Variants in FMN2 observed in about 807,000 individuals in gnomAD.
FMN2 encodes the protein formin 2, also known as formin-2.
Under a neutral mutation model 142.3 loss-of-function variants are expected in FMN2, and 51 were observed. That is an observed-to-expected ratio of 0.36 (90% CI 0.29 to 0.45). The LOEUF is 0.45. Among genes scored for constraint, FMN2 ranks in the 20% least tolerant of loss-of-function variants. FMN2 has a pLI of 1.00. For synonymous variants in FMN2, 882 were observed against 869.8 expected, an observed-to-expected ratio of 1.01 and a Z score of -0.25; for missense variants, 1,936 against 2,122.8, an observed-to-expected ratio of 0.91 and a Z score of 1.73.
chr1:240,220,562 A>C (rs935962604), intron 6 of FMN2, among the ~76,000 whole-genome samples: 4 of 152,032 alleles, frequency 2.6e-5, no homozygotes, highest in African/African-American at 9.7e-5. Context: ...CAGCCATCCA[A>C]GCAAGAGCAA....
chr1:240,331,724 T>C (rs1336315889), intron 11 of FMN2, among the ~76,000 whole-genome samples: 1 of 152,096 alleles, frequency 6.6e-6, no homozygotes, highest in Admixed American at 6.6e-5. Flanking sequence ...AAGTTGAAAA[T>C]ACCATAAGTG....
intron 14 of FMN2, among the ~76,000 whole-genome samples, chr1:240,359,199 G>C (rs2103051563): frequency 6.6e-6 from 1 of 152,176 alleles, no homozygotes; most frequent in African/African-American, 2.4e-5. Context: ...TAGTTTATCA[G>C]GACATGATTC....
At position 240,294,832 on chromosome 1, in the gene FMN2, C is replaced by A. The variant is rs1220141149; in HGVS notation, c.4164C>A (p.Asn1388Lys). The A allele has an allele frequency of 6.2e-7, 1 of 1,613,772 alleles. No homozygotes were observed. Among genetic ancestry groups the A allele is most frequent in the East Asian group, 2.2e-5 (1 of 44,872 alleles). The change falls in exon 8 of 18, where the codon AAC becomes AAA. Residue 1388 changes from asparagine (N) to lysine (K), a missense_variant. By Grantham distance (94) the Asn-to-Lys change is moderately conservative. Transcript: ENST00000319653. ...DMKDIQHAVVNLDNSVVDLET... is the reference protein window; with the variant it reads ...DMKDIQHAVVKLDNSVVDLET... ...CTTTTTTTTCCACAGCTGTTGTGAA[C>A]TTGGATAATTCTGTGGTTGACCTGG...
intron 4 of FMN2, among the ~76,000 whole-genome samples, chr1:240,198,063 T>G (rs540357565): frequency 6.6e-6 from 1 of 152,328 alleles, no homozygotes; most frequent in African/African-American, 2.4e-5. Context: ...GGTAAAAAAC[T>G]GAGCTGCACT....
chr1:240,106,992 G>C (rs1230937413), intron 1 of FMN2, among the ~76,000 whole-genome samples: 1 of 151,648 alleles, frequency 6.6e-6, no homozygotes, highest in Non-Finnish European at 1.5e-5. Context: ...CCTTTTCCAG[G>C]AGGATTTTTA....
chr1:240,200,701 A>T (rs1666090359), intron 4 of FMN2, among the ~76,000 whole-genome samples: 2 of 152,102 alleles, frequency 1.3e-5, no homozygotes, highest in Admixed American at 6.6e-5. Flanking sequence ...GCAGGTAAGG[A>T]TAGGTCATAG....
intron 2 of FMN2, among the ~76,000 whole-genome samples, chr1:240,146,093 T>C (rs1305908356): frequency 6.6e-6 from 1 of 151,738 alleles, no homozygotes; most frequent in Non-Finnish European, 1.5e-5. Flanking sequence ...AAAAATAGTA[T>C]GGCTGGGCTC....
intron 7 of FMN2, among the ~76,000 whole-genome samples, chr1:240,292,299 G>A (rs1004163000): frequency 2.0e-5 from 3 of 152,070 alleles, no homozygotes; most frequent in Non-Finnish European, 2.9e-5. Context: ...ACATAAATAA[G>A]TAAGTAGGTA....
At chr1:240,195,451 C>G (rs1665877193) in intron 4 of FMN2, among the ~76,000 whole-genome samples, 1 of 152,178 alleles carries the variant, frequency 6.6e-6, no homozygotes, top group Admixed American at 6.5e-5. Flanking sequence ...GGCAAAAACA[C>G]ATGTCAGATA....
intron 16 of FMN2, among the ~76,000 whole-genome samples, chr1:240,454,130 T>C (rs1482790069): frequency 3.9e-5 from 6 of 152,192 alleles, no homozygotes; most frequent in Non-Finnish European, 8.8e-5. Context: ...TATTTTAAAA[T>C]ATTCTTACCA....
intron 14 of FMN2, among the ~76,000 whole-genome samples, chr1:240,366,439 T>A (rs532626201): frequency 2.6e-5 from 4 of 152,350 alleles, no homozygotes; most frequent in African/African-American, 9.6e-5. Flanking sequence ...GAACGTGGTT[T>A]TTGAAATTCT....
chr1:240,276,559 A>G (rs910900115), intron 7 of FMN2, among the ~76,000 whole-genome samples: 1 of 152,156 alleles, frequency 6.6e-6, no homozygotes, highest in African/African-American at 2.4e-5. Context: ...ACTTAGTTGC[A>G]CCAAAGCAAA....
chr1:240,285,073 C>T (rs1446072273), intron 7 of FMN2, among the ~76,000 whole-genome samples: 1 of 151,870 alleles, frequency 6.6e-6, no homozygotes, highest in African/African-American at 2.4e-5. Context: ...CCCAAATCTT[C>T]TATTGGGTTT....
At chr1:240,195,542 G>C (rs762335993) in intron 4 of FMN2, among the ~76,000 whole-genome samples, 1 of 152,126 alleles carries the variant, frequency 6.6e-6, no homozygotes, top group Non-Finnish European at 1.5e-5. Flanking sequence ...CTTTCAGCAG[G>C]AACACACATT....
At chr1:240,235,365 T>C (rs1027535506) in intron 6 of FMN2, among the ~76,000 whole-genome samples, 1 of 152,110 alleles carries the variant, frequency 6.6e-6, no homozygotes, top group Non-Finnish European at 1.5e-5. Context: ...TTTTAAACGC[T>C]CCTTTTATTT....
chr1:240,447,420 G>A (rs9428842), intron 16 of FMN2, among the ~76,000 whole-genome samples: 5,956 of 152,200 alleles, frequency 0.039, 388 homozygotes, highest in African/African-American at 0.14. Flanking sequence ...AAGTAGAATG[G>A]CCAGTAAACA....
intron 8 of FMN2, among the ~76,000 whole-genome samples, chr1:240,295,210 ACACACACACACACACT>A (rs1371235948): frequency 2.5e-5 from 3 of 120,136 alleles, no homozygotes; most frequent in Non-Finnish European, 3.7e-5. Flanking sequence ...ACACACACAC[ACACACACACACACACT>A]CACACACACT....
chr1:240,145,986 G>A (rs952889116), intron 2 of FMN2, among the ~76,000 whole-genome samples: 2 of 152,048 alleles, frequency 1.3e-5, no homozygotes, highest in Non-Finnish European at 2.9e-5. Flanking sequence ...GTCTTTGAGG[G>A]TGACATCTGT....
intron 5 of FMN2, among the ~76,000 whole-genome samples, chr1:240,209,584 GGAGCAT>G (rs1666603161): frequency 6.6e-6 from 1 of 150,872 alleles, no homozygotes; most frequent in African/African-American, 2.4e-5. Flanking sequence ...AACTGACTCT[GGAGCAT>G]GATTTAGTGC....
Sources: allele counts gnomAD v4.1 joint callset (sites outside exome capture counted in the v4.1 genomes callset), GRCh38; gene constraint gnomAD v4.1.1; transcripts MANE v1.5; gene names NCBI Gene and HGNC (gene_info 2026-07-23, HGNC 2026-07-21).